Variants in PPM1E observed in about 807,000 individuals in gnomAD.
PPM1E encodes protein phosphatase 1E.
PPM1E carries 20 observed loss-of-function variants against 65.9 expected under a neutral mutation model. The observed-to-expected ratio is 0.30, with a 90% CI of 0.21 to 0.44. The LOEUF (loss-of-function observed/expected upper bound fraction) is 0.44, where lower values mean the gene tolerates loss of function less well. PPM1E is among the 20% of genes least tolerant of loss of function. The pLI, the probability that PPM1E is intolerant of heterozygous loss-of-function variation, is 1.00. For missense variants in PPM1E, 713 were observed against 953.1 expected (o/e 0.75, Z 3.32); for synonymous variants, 352 against 374.9 (o/e 0.94, Z 0.70).
chr17:58,847,255 G>A (rs1048038914), intron 1 of PPM1E, among the ~76,000 whole-genome samples: 23 of 152,212 alleles, frequency 1.5e-4, no homozygotes, highest in African/African-American at 5.5e-4. Context: ...CTTTTGCTGT[G>A]CAGAAGCTCT....
chr17:58,955,052 C>T (rs2029867263), intron 1 of PPM1E, among the ~76,000 whole-genome samples: 1 of 151,932 alleles, frequency 6.6e-6, no homozygotes, highest in South Asian at 2.1e-4. Context: ...GTCATTGTAT[C>T]CTGTTTGTTT....
intron 1 of PPM1E, among the ~76,000 whole-genome samples, chr17:58,880,168 A>T (rs989070489): frequency 6.6e-6 from 1 of 152,204 alleles, no homozygotes; most frequent in African/African-American, 2.4e-5. Context: ...TTTGGTCTCA[A>T]CTTCATCCTT....
At chr17:58,870,127 G>A (rs2051053408) in intron 1 of PPM1E, among the ~76,000 whole-genome samples, 2 of 152,176 alleles carry the variant, frequency 1.3e-5, no homozygotes, top group South Asian at 2.1e-4. Context: ...AGGAGGAGGA[G>A]GAGGAAGGGA....
intron 1 of PPM1E, among the ~76,000 whole-genome samples, chr17:58,797,943 G>A (rs915064482): frequency 2.6e-5 from 4 of 152,104 alleles, no homozygotes; most frequent in African/African-American, 9.7e-5. Flanking sequence ...GAGGACAAAT[G>A]TAAAAATAAA....
intron 6 of PPM1E, 94 bp downstream of exon 6, chr17:58,973,019 A>T (rs146257032): frequency 2.6e-6 from 2 of 765,436 alleles, no homozygotes; most frequent in East Asian, 5.2e-5. Flanking sequence ...ATGATAATTT[A>T]TGTTACCAGA....
Position 58,980,263 on chromosome 17 carries a change from A to C in PPM1E, c.1500A>C (p.Glu500Asp). ...DMNKAVNVSE[E>D]SDWTENSFQG... ...ACAAAGCTGTAAATGTTAGTGAGGA[A>C]TCAGATTGGACAGAGAACTCTTTTC... The change falls in exon 7 of 7, where the codon GAA becomes GAC. Residue 500 changes from glutamate to aspartate, a missense_variant. Physicochemically the swap from Glu to Asp is conservative, Grantham distance 45 (BLOSUM62 2). Coordinates refer to ENST00000308249, the MANE Select transcript of PPM1E (RefSeq NM_014906.5). The surrounding 1 kb of genome is among the most constrained non-coding windows in gnomAD (Gnocchi z 4.7). The C allele has an allele frequency of 3.1e-6, 5 of 1,614,216 alleles. No individual in the cohort carries two copies. The highest frequency in any genetic ancestry group is 4.2e-6 in the Non-Finnish European group (5 of 1,180,020).
chr17:58,789,122 T>C (rs1244959599), intron 1 of PPM1E, among the ~76,000 whole-genome samples: 1 of 152,204 alleles, frequency 6.6e-6, no homozygotes, highest in Non-Finnish European at 1.5e-5. Flanking sequence ...ATAAAAGCAA[T>C]TAAGTGATCT....
chr17:58,829,043 C>A (rs1413094141), intron 1 of PPM1E, among the ~76,000 whole-genome samples: 1 of 151,640 alleles, frequency 6.6e-6, no homozygotes, highest in Non-Finnish European at 1.5e-5. Context: ...ATTTTCTTTT[C>A]TTTTTTCTTT....
intron 1 of PPM1E, among the ~76,000 whole-genome samples, chr17:58,762,327 C>T (rs917525131): frequency 1.3e-5 from 2 of 151,632 alleles, no homozygotes; most frequent in Non-Finnish European, 2.9e-5. Flanking sequence ...GGCAAGGCCC[C>T]GTCTCTACAA....
At chr17:58,943,775 G>T (rs1272541857) in intron 1 of PPM1E, among the ~76,000 whole-genome samples, 2 of 152,180 alleles carry the variant, frequency 1.3e-5, no homozygotes, top group African/African-American at 4.8e-5. Flanking sequence ...TGATGCGTGA[G>T]AAAGTTTTGA....
intron 6 of PPM1E, 27 bp downstream of exon 6, chr17:58,972,952 CA>C (rs746724131): frequency 2.9e-5 from 45 of 1,536,850 alleles, no homozygotes; most frequent in Non-Finnish European, 4.0e-5. Context: ...TTTGTTTCTC[CA>C]AACTGTCCTC....
intron 1 of PPM1E, among the ~76,000 whole-genome samples, chr17:58,832,030 G>C (rs2050611096): frequency 6.6e-6 from 1 of 152,070 alleles, no homozygotes; most frequent in African/African-American, 2.4e-5. Flanking sequence ...GCTTATCTTG[G>C]GTGAAAGTCT....
At chr17:58,824,591 GTTGTT>G (rs2050513340) in intron 1 of PPM1E, among the ~76,000 whole-genome samples, 1 of 142,224 alleles carries the variant, frequency 7.0e-6, no homozygotes, top group Non-Finnish European at 1.5e-5. Flanking sequence ...GCTTCTTTCT[GTTGTT>G]TTTTTTTTTT....
intron 1 of PPM1E, among the ~76,000 whole-genome samples, chr17:58,823,639 GCACCACA>G (rs2050502789): frequency 2.0e-5 from 3 of 151,896 alleles, no homozygotes; most frequent in Non-Finnish European, 4.4e-5. Flanking sequence ...AAATTAATCT[GCACCACA>G]GGAAAGATAA....
chr17:58,800,154 T>C (rs2050245501), intron 1 of PPM1E, among the ~76,000 whole-genome samples: 1 of 152,162 alleles, frequency 6.6e-6, no homozygotes, highest in African/African-American at 2.4e-5. Context: ...CAAATTTTTT[T>C]TTTCTGCATC....
chr17:58,777,645 T>C lies in PPM1E; in HGVS notation c.464+21184T>C, dbSNP rs1481970449. ...GCGAGGGAGTGGGAACAAGTACCTATAAGTATACATAGGGCAATTAATAAC... is the reference window on the plus strand; with the variant it reads ...GCGAGGGAGTGGGAACAAGTACCTACAAGTATACATAGGGCAATTAATAAC... On this transcript the variant is annotated intron_variant, in intron 1 of 6. Coordinates refer to ENST00000308249, the MANE Select transcript of PPM1E (RefSeq NM_014906.5). Among the ~76,000 whole-genome samples, 4 of 152,174 alleles carry C rather than the reference T, an allele frequency of 2.6e-5. No individual in the cohort carries two copies. In the East Asian group the frequency reaches 7.7e-4, roughly 29 times the overall value.
At chr17:58,937,453 G>A (rs1222446192) in intron 1 of PPM1E, among the ~76,000 whole-genome samples, 3 of 149,954 alleles carry the variant, frequency 2.0e-5, no homozygotes, top group Non-Finnish European at 4.5e-5. Context: ...TAGTAGAGAC[G>A]GGGTTTCACC....
chr17:58,975,745 T>C (rs192760122), intron 6 of PPM1E, among the ~76,000 whole-genome samples: 1 of 152,268 alleles, frequency 6.6e-6, no homozygotes, highest in East Asian at 1.9e-4. Context: ...AGTCTGGACT[T>C]TACCAGGTGA....
rs144808832 is a variant in PPM1E at position 58,851,298 on chromosome 17, G to A, written c.464+94837G>A. 1.8e-4 allele frequency among the ~76,000 whole-genome samples: 27 copies of A among 152,256 alleles called. No homozygotes were observed. The East Asian group carries it at 3.7e-3, about 21-fold the overall frequency. On this transcript the variant is annotated intron_variant, in intron 1 of 6. Transcript: ENST00000308249. ...TCTCAACTCATCAAAGTCATTCTCC[G>A]TCCAGCTTTGTTCTGTTGCTGACGA... is the stretch of plus-strand genomic sequence containing the variant.
Sources: gnomAD v4.1 joint callset for allele counts (sites outside exome capture counted in the v4.1 genomes callset) on GRCh38, gnomAD v4.1.1 for gene constraint, Gnocchi (gnomAD v3.1) non-coding constraint, MANE v1.5 for transcripts, NCBI Gene and HGNC (gene_info 2026-07-23, HGNC 2026-07-21) for gene names.